The following ELOA variants were observed in gnomAD, a reference collection of about 807,000 sequenced individuals.
ELOA encodes elongin A, also known as elongin-A.
In ELOA, 15 loss-of-function variants were observed where a neutral mutation model predicts 85.2. The observed-to-expected ratio is 0.18, with a 90% CI of 0.12 to 0.27. ELOA has a LOEUF of 0.27. ELOA is among the 10% of genes least tolerant of loss of function. The pLI is 1.00. For synonymous variants in ELOA, 348 were observed against 357.2 expected, an observed-to-expected ratio of 0.97 and a Z score of 0.29; for missense variants, 769 against 952.7, an observed-to-expected ratio of 0.81 and a Z score of 2.54.
chr1:23,758,841 A>G (rs1029565606), intron 10 of ELOA, among the ~76,000 whole-genome samples: 1 of 151,942 alleles, frequency 6.6e-6, no homozygotes, highest in African/African-American at 2.4e-5. Context: ...GATTGGGGGT[A>G]GACGTGCTGT....
chr1:23,759,451 A>G (rs1413343262), intron 10 of ELOA, 61 bp from the exon 11 acceptor site: 5 of 1,557,390 alleles, frequency 3.2e-6, no homozygotes, highest in Non-Finnish European at 4.4e-6. Context: ...ACTGTAAACT[A>G]CTGGGGGTGT....
intron 5 of ELOA, among the ~76,000 whole-genome samples, chr1:23,753,207 A>G (rs911072761): frequency 2.6e-5 from 4 of 152,252 alleles, no homozygotes; most frequent in South Asian, 2.1e-4. Context: ...TCCTAAGTGC[A>G]TAGACTCTGA....
At chr1:23,755,746 C>G in intron 7 of ELOA, 97 bp from the exon 8 acceptor site, 3 of 1,276,248 alleles carry the variant, frequency 2.4e-6, no homozygotes, top group Middle Eastern at 2.0e-4. Context: ...CACCACTGCA[C>G]TGCAGTCTAC....
intron 8 of ELOA, 72 bp downstream of exon 8, chr1:23,756,095 G>C: frequency 6.4e-7 from 1 of 1,560,938 alleles, no homozygotes; most frequent in Non-Finnish European, 8.7e-7. Flanking sequence ...GTGTTGGTGG[G>C]CTTGGCTGGT....
At chr1:23,744,258 C>T (rs1644736837) in intron 1 of ELOA, 1 of 152,224 alleles carries the variant, frequency 6.6e-6, no homozygotes, top group Non-Finnish European at 1.5e-5. Flanking sequence ...TCCTTTTGGC[C>T]ATTAATAGGA....
In ELOA at chr1:23,755,695, G is replaced by A. The variant is rs1324090203; in HGVS notation, c.1792-148G>A. The A allele has an allele frequency of 2.5e-5, 15 of 603,796 alleles. 1 individual carries two copies. Among genetic ancestry groups the A allele is most frequent in the Admixed American group, 1.4e-4 (4 of 29,448 alleles). The allele number at this position is 603,796 out of a possible 1,614,324, so 37.4% of individuals were successfully genotyped here. A position where few individuals can be genotyped will look rare whatever the true frequency, so the allele number is the denominator to read the frequency against. On this transcript the variant is annotated intron_variant, in intron 7 of 10. Coordinates refer to ENST00000613537, the MANE Select transcript of ELOA (RefSeq NM_003198.3). ...CTTGAGAGGCTGAGGCGTGAGAATCGCTTGAACCCAGGAGGCAAGGGTTGC... is the reference window on the plus strand; with the variant it reads ...CTTGAGAGGCTGAGGCGTGAGAATCACTTGAACCCAGGAGGCAAGGGTTGC...
chr1:23,757,082 C>T lies in ELOA; in HGVS notation c.2214C>T (p.Val738=). 1 of 1,600,790 alleles carries T rather than the reference C, an allele frequency of 6.2e-7. No individual in the cohort carries two copies. Among genetic ancestry groups the T allele is most frequent in the East Asian group, 2.3e-5 (1 of 44,274 alleles). The change falls in exon 10 of 11, where the codon GTC becomes GTT. Residue 738 remains valine, a synonymous_variant. Transcript: ENST00000613537. ...STSSAHLAPV[V]SSTVSYDPRK... is the part of the protein sequence containing the mutation. ...GCAGTGCCCACTTGGCACCAGTGGT[C>T]AGCAGCACTGTTTCCTATGATCCTA...
intron 7 of ELOA, among the ~76,000 whole-genome samples, chr1:23,755,592 G>C (rs896602032): frequency 2.0e-5 from 3 of 152,000 alleles, no homozygotes; most frequent in Non-Finnish European, 4.4e-5. Flanking sequence ...GACCAGCCTG[G>C]ACAACATGGC....
Position 23,754,215 on chromosome 1 carries a change from G to A in ELOA, c.1653G>A (p.Leu551=), listed in dbSNP as rs1644784777. Residue 551 remains leucine, a synonymous_variant, in exon 6 of 11, where the codon TTG becomes TTA. Coordinates refer to ENST00000613537, the MANE Select transcript of ELOA (RefSeq NM_003198.3). The part of the protein sequence containing the change: ...KCAYLPKMMT[L]HQQCIRVLKN... The stretch of plus-strand genomic sequence containing the variant: ...CCTATCTCCCTAAAATGATGACCTT[G>A]CACCAGCAATGCATCCGAGTACTTA... 1.2e-6 allele frequency: 2 copies of A among 1,614,024 alleles called. No homozygotes were observed. The highest frequency in any genetic ancestry group is 2.2e-5 in the South Asian group (2 of 91,082).
chr1:23,752,199 G>A (rs565923161), intron 4 of ELOA, among the ~76,000 whole-genome samples, 169 bp downstream of exon 4: 13 of 152,300 alleles, frequency 8.5e-5, no homozygotes, highest in Admixed American at 3.3e-4. Context: ...ATATGGTACC[G>A]CAAATAAGAA....
chr1:23,759,453 T>C (rs1570595925), intron 10 of ELOA, 59 bp from the exon 11 acceptor site: 1 of 1,565,864 alleles, frequency 6.4e-7, no homozygotes, highest in Non-Finnish European at 8.8e-7. Context: ...TGTAAACTAC[T>C]GGGGGTGTGT....
chr1:23,757,834 A>G (rs920368903), intron 10 of ELOA, among the ~76,000 whole-genome samples: 5 of 151,104 alleles, frequency 3.3e-5, no homozygotes, highest in Middle Eastern at 7.0e-3. Flanking sequence ...AAAAAAAGTG[A>G]AAGTAGAAAA....
At chr1:23,752,567 T>C (rs1376421034) in intron 5 of ELOA, 49 bp downstream of exon 5, 1 of 1,550,484 alleles carries the variant, frequency 6.4e-7, no homozygotes. Flanking sequence ...ATTTAAAAAT[T>C]CATTCAAGGC....
In ELOA at chr1:23,751,047, G is replaced by A. The variant is rs758057916; in HGVS notation, c.442G>A (p.Gly148Ser). The A allele has an allele frequency of 3.7e-5, 59 of 1,613,972 alleles. No individual in the cohort carries two copies. Among genetic ancestry groups the A allele is most frequent in the Non-Finnish European group, 4.8e-5 (57 of 1,180,042 alleles). Reference sequence around the variant, plus strand: ...CGAGAGACCTCACAAAGTGTCTCACGGTCATGAGAGGAGAGATGAGAGAAA... The same window carrying A: ...CGAGAGACCTCACAAAGTGTCTCACAGTCATGAGAGGAGAGATGAGAGAAA... ...ELERPHKVSHGHERRDERKRC... is the reference protein window; with the variant it reads ...ELERPHKVSHSHERRDERKRC... Residue 148 changes from glycine (G) to serine (S), a missense_variant, in exon 4 of 11, where the codon GGT becomes AGT. By Grantham distance (56) the Gly-to-Ser change is moderately conservative. This residue lies in a region of ELOA where 440 missense variants were observed against 474.0 expected (regional missense o/e 0.93). Transcript: ENST00000613537.
chr1:23,755,277 G>T (rs771275061), intron 7 of ELOA, among the ~76,000 whole-genome samples: 4 of 152,058 alleles, frequency 2.6e-5, no homozygotes, highest in Non-Finnish European at 5.9e-5. Flanking sequence ...ACCCTTTGCT[G>T]ATTTTCTAAA....
At chr1:23,759,421 G>C in intron 10 of ELOA, 91 bp from the exon 11 acceptor site, 1 of 1,283,766 alleles carries the variant, frequency 7.8e-7, no homozygotes. Context: ...GCACAGCCAA[G>C]AATAGCAGAG....
chr1:23,755,745 A>C (rs1644791390), intron 7 of ELOA, 98 bp from the exon 8 acceptor site: 247 of 1,158,192 alleles, frequency 2.1e-4, no homozygotes, highest in Non-Finnish European at 2.6e-4. Flanking sequence ...GCACCACTGC[A>C]CTGCAGTCTA....
rs765016806 is a variant in ELOA at position 23,743,514 on chromosome 1, A to G, written c.11A>G (p.Glu4Gly). The change falls in exon 1 of 11, where the codon GAG becomes GGG. Residue 4 changes from glutamate to glycine, a missense_variant. Transcript: ENST00000613537. ...GCGCCAGTGACAGCGATGGCGGCGG[A>G]GTCGGCGCTCCAAGTTGTGGAGAAG... MAA[E>G]SALQVVEKLQ... 3 of 1,504,762 alleles carry G rather than the reference A, an allele frequency of 2.0e-6. No homozygotes were observed. In the South Asian group the frequency reaches 3.7e-5, roughly 19 times the overall value. 93.2% of individuals were successfully genotyped at this position (1,504,762 alleles called of 1,614,324 possible). A position where few individuals can be genotyped will look rare whatever the true frequency, so the allele number is the denominator to read the frequency against.
intron 5 of ELOA, among the ~76,000 whole-genome samples, chr1:23,753,619 T>C (rs1348034267): frequency 6.6e-6 from 1 of 152,202 alleles, no homozygotes; most frequent in Non-Finnish European, 1.5e-5. Flanking sequence ...GTGGAAAGTC[T>C]ATGCACTGAC....
Sources: gnomAD v4.1 joint callset for allele counts (sites outside exome capture counted in the v4.1 genomes callset) on GRCh38, gnomAD v4.1.1 for gene constraint, gnomAD v4.1.1 regional missense constraint, MANE v1.5 for transcripts, NCBI Gene and HGNC (gene_info 2026-07-23, HGNC 2026-07-21) for gene names.